Variants in GMDS observed in about 807,000 individuals in gnomAD.
The protein encoded by GMDS is GDP-mannose 4,6 dehydratase.
GMDS carries 20 observed loss-of-function variants against 49.9 expected under a neutral mutation model. That is an observed-to-expected ratio of 0.40 (90% CI 0.28 to 0.58). GMDS has a LOEUF of 0.58. Among genes scored for constraint, GMDS ranks in the 20% least tolerant of loss-of-function variants. The probability of loss-of-function intolerance (pLI) is 0.42; values close to 1 mark genes in which losing one functional copy is unlikely to be tolerated. For synonymous variants in GMDS, 177 were observed against 178.6 expected (o/e 0.99, Z 0.07); for missense variants, 362 against 481.4 (o/e 0.75, Z 2.32).
rs144962127 is a variant in GMDS, at chr6:1,689,750, T to C, written c.987+36666A>G. On this transcript the variant is annotated intron_variant, in intron 9 of 10. Coordinates refer to ENST00000380815, the MANE Select transcript of GMDS (RefSeq NM_001500.4). ...ACCTTGGCAAAGGATTAATATACTGTAATGTCTAGCAAATGATCACCTCAT... is the reference window on the plus strand; with the variant it reads ...ACCTTGGCAAAGGATTAATATACTGCAATGTCTAGCAAATGATCACCTCAT... Among the ~76,000 whole-genome samples the C allele has an allele frequency of 5.3e-5, 8 of 152,346 alleles. No individual in the cohort carries two copies. The East Asian group carries it at 1.5e-3, about 29-fold the overall frequency.
Position 2,236,955 on chromosome 6 carries a change from T to C in GMDS, c.102+8366A>G, listed in dbSNP as rs62392604. On this transcript the variant is annotated intron_variant, in intron 1 of 10. Transcript: ENST00000380815. The stretch of plus-strand genomic sequence containing the variant: ...ATACTTTCTATAAATCCCTAGTAAA[T>C]ACCTTTATTTTTTCACTCTTAAGTT... Among the ~76,000 whole-genome samples, 501 of 152,298 alleles carry C rather than the reference T, an allele frequency of 3.3e-3. 5 individuals carry two copies. Among genetic ancestry groups the C allele is most frequent in the Non-Finnish European group, 4.9e-3 (333 of 68,018 alleles).
chr6:2,063,572 T>C (rs1771321991), intron 4 of GMDS, among the ~76,000 whole-genome samples: 1 of 152,350 alleles, frequency 6.6e-6, no homozygotes, highest in African/African-American at 2.4e-5. Flanking sequence ...TGTTAATATG[T>C]AAAATGTTTA....
intron 9 of GMDS, among the ~76,000 whole-genome samples, chr6:1,664,627 A>T (rs1764183677): frequency 6.6e-6 from 1 of 152,126 alleles, no homozygotes; most frequent in South Asian, 2.1e-4. Flanking sequence ...GTTAGAGGTG[A>T]TTTACTGTGT....
chr6:1,632,791 A>G (rs1395201928), intron 9 of GMDS, among the ~76,000 whole-genome samples: 2 of 152,108 alleles, frequency 1.3e-5, no homozygotes, highest in Non-Finnish European at 2.9e-5. Flanking sequence ...AGGTGGGAGG[A>G]CTGCTTGAGC....
chr6:1,795,566 TG>T, intron 7 of GMDS, among the ~76,000 whole-genome samples: 1 of 152,214 alleles, frequency 6.6e-6, no homozygotes, highest in African/African-American at 2.4e-5. Flanking sequence ...AAAAGGTGAA[TG>T]AAACATTACA....
chr6:1,758,265 T>C (rs1768026510), intron 7 of GMDS, among the ~76,000 whole-genome samples: 1 of 152,222 alleles, frequency 6.6e-6, no homozygotes, highest in Admixed American at 6.5e-5. Context: ...TTGGTCATTA[T>C]CTCCACCTCC....
chr6:2,110,221 A>G (rs73416655), intron 4 of GMDS, among the ~76,000 whole-genome samples: 3,698 of 146,770 alleles, frequency 0.025, 101 homozygotes, highest in South Asian at 0.11. Flanking sequence ...AATTCTCCCA[A>G]TGTATTTGTT....
Position 1,661,198 on chromosome 6 carries a change from CT to C in GMDS, c.988-36659del, listed in dbSNP as rs139476069. ...GTCTGCGTACAGGCCTCACTGATAC[CT>C]TTTTCAATTATCCATTTGGGTTAAA... On this transcript the variant is annotated intron_variant, in intron 9 of 10. Transcript: ENST00000380815. Among the ~76,000 whole-genome samples the C allele has an allele frequency of 7.6e-3, 1,159 of 152,190 alleles. 16 individuals carry two copies. Among genetic ancestry groups the C allele is most frequent in the African/African-American group, 0.026 (1,093 of 41,524 alleles).
intron 1 of GMDS, among the ~76,000 whole-genome samples, chr6:2,223,155 A>C (rs1025135409): frequency 7.2e-5 from 11 of 151,860 alleles, no homozygotes; most frequent in Admixed American, 4.6e-4. Flanking sequence ...CTCTCTATAT[A>C]TATATACACA....
intron 9 of GMDS, among the ~76,000 whole-genome samples, chr6:1,641,634 C>T (rs1015279769): frequency 8.5e-5 from 13 of 152,178 alleles, no homozygotes; most frequent in Admixed American, 2.0e-4. Context: ...CAGACAGGAG[C>T]GCTCCATTCT....
At chr6:1,874,128 C>T (rs536092720) in intron 7 of GMDS, among the ~76,000 whole-genome samples, 3 of 152,296 alleles carry the variant, frequency 2.0e-5, no homozygotes, top group Non-Finnish European at 4.4e-5. Flanking sequence ...ACTTGGCCTC[C>T]GGTGCTAGGA....
At chr6:2,221,464 TCCGCCTCC>T (rs1780584987) in intron 1 of GMDS, among the ~76,000 whole-genome samples, 1 of 152,094 alleles carries the variant, frequency 6.6e-6, no homozygotes, top group African/African-American at 2.4e-5. Flanking sequence ...CACTGCAAGC[TCCGCCTCC>T]CGGCCTCCCG....
At chr6:2,040,272 C>A (rs959345477) in intron 4 of GMDS, among the ~76,000 whole-genome samples, 1 of 152,192 alleles carries the variant, frequency 6.6e-6, no homozygotes. Flanking sequence ...CAATGCAACA[C>A]TGGGCCAATA....
chr6:1,720,001 A>G (rs1372447688), intron 9 of GMDS, among the ~76,000 whole-genome samples: 3 of 152,254 alleles, frequency 2.0e-5, no homozygotes, highest in African/African-American at 7.2e-5. Flanking sequence ...AGTAATGGAC[A>G]TATCTGCACT....
intron 4 of GMDS, among the ~76,000 whole-genome samples, chr6:1,969,408 A>C (rs1764474090): frequency 6.6e-6 from 1 of 151,914 alleles, no homozygotes; most frequent in Non-Finnish European, 1.5e-5. Flanking sequence ...AAGGTATTTG[A>C]ATAACAATTT....
At chr6:2,029,380 T>C (rs1296012463) in intron 4 of GMDS, among the ~76,000 whole-genome samples, 1 of 152,172 alleles carries the variant, frequency 6.6e-6, no homozygotes, top group African/African-American at 2.4e-5. Context: ...AAATTCCTTC[T>C]CACCACCTAT....
chr6:1,678,406 ATCTC>A (rs1369947256), intron 9 of GMDS, among the ~76,000 whole-genome samples: 1 of 151,910 alleles, frequency 6.6e-6, no homozygotes, highest in African/African-American at 2.4e-5. Context: ...GTATCCATCG[ATCTC>A]TCAGATTTGA....
At chr6:1,852,738 C>T (rs748342422) in intron 7 of GMDS, among the ~76,000 whole-genome samples, 2 of 149,002 alleles carry the variant, frequency 1.3e-5, no homozygotes, top group Admixed American at 6.6e-5. Context: ...GATGGAGTTT[C>T]GCTCGTTGCC....
At chr6:2,161,001 A>G (rs930574279) in intron 1 of GMDS, among the ~76,000 whole-genome samples, 2 of 152,190 alleles carry the variant, frequency 1.3e-5, no homozygotes, top group Admixed American at 1.3e-4. Flanking sequence ...AACTTTGTCA[A>G]AAGGATTATA....
Sources: gnomAD v4.1 joint callset for allele counts (sites outside exome capture counted in the v4.1 genomes callset) on GRCh38, gnomAD v4.1.1 for gene constraint, MANE v1.5 for transcripts, NCBI Gene and HGNC (gene_info 2026-07-23, HGNC 2026-07-21) for gene names.